The following PAPPA2 variants were observed in gnomAD, a reference collection of about 807,000 sequenced individuals.
PAPPA2 encodes pappalysin-2.
PAPPA2 carries 86 observed loss-of-function variants against 176.4 expected under a neutral mutation model. The observed-to-expected ratio is 0.49, with a 90% CI of 0.41 to 0.58. The LOEUF is 0.58. Among genes scored for constraint, PAPPA2 ranks in the 20% least tolerant of loss-of-function variants. The probability of loss-of-function intolerance (pLI) is 0.00; values close to 1 mark genes in which losing one functional copy is unlikely to be tolerated. For synonymous variants in PAPPA2, 809 were observed against 852.2 expected (o/e 0.95, Z 0.88); for missense variants, 2,073 against 2,256.9 (o/e 0.92, Z 1.65).
chr1:176,559,280 T>C (rs941457195), intron 2 of PAPPA2, among the ~76,000 whole-genome samples: 2 of 152,196 alleles, frequency 1.3e-5, no homozygotes, highest in African/African-American at 4.8e-5. Context: ...CCTTGTGGTG[T>C]ACCAGTATTT....
At chr1:176,839,164 C>T (rs530308669) in intron 21 of PAPPA2, among the ~76,000 whole-genome samples, 28 of 152,268 alleles carry the variant, frequency 1.8e-4, no homozygotes, top group Non-Finnish European at 3.8e-4. Flanking sequence ...ATGTTTCCTA[C>T]GACTTTATGG....
chr1:176,756,298 T>C (rs554154725), intron 14 of PAPPA2, among the ~76,000 whole-genome samples: 127 of 152,278 alleles, frequency 8.3e-4, no homozygotes, highest in Non-Finnish European at 1.5e-3. Context: ...CATAAAGATC[T>C]TCATCCTCAT....
At chr1:176,572,706 T>C (rs1295031877) in intron 2 of PAPPA2, among the ~76,000 whole-genome samples, 1 of 152,210 alleles carries the variant, frequency 6.6e-6, no homozygotes, top group Non-Finnish European at 1.5e-5. Flanking sequence ...TAAGAAACAC[T>C]GGACAAATAC....
chr1:176,660,564 A>G (rs962804818), intron 3 of PAPPA2, among the ~76,000 whole-genome samples: 9 of 152,006 alleles, frequency 5.9e-5, no homozygotes, highest in African/African-American at 2.2e-4. Flanking sequence ...GGATATAAAA[A>G]CTTTTTTGGG....
intron 20 of PAPPA2, among the ~76,000 whole-genome samples, chr1:176,794,419 T>C (rs2102942244): frequency 6.6e-6 from 1 of 152,300 alleles, no homozygotes; most frequent in South Asian, 2.1e-4. Context: ...TAAATAGAAA[T>C]GAGATTTCAG....
intron 1 of PAPPA2, among the ~76,000 whole-genome samples, chr1:176,545,977 G>T (rs553711264): frequency 6.6e-6 from 1 of 152,156 alleles, no homozygotes; most frequent in South Asian, 2.1e-4. Context: ...ACTGAGGAAG[G>T]TGGCAGTGTG....
At chr1:176,475,155 A>C (rs970929737) in intron 1 of PAPPA2, among the ~76,000 whole-genome samples, 4 of 152,180 alleles carry the variant, frequency 2.6e-5, no homozygotes, top group Admixed American at 6.5e-5. Flanking sequence ...TATGCTGTAA[A>C]ACTGTTCCTG....
intron 1 of PAPPA2, among the ~76,000 whole-genome samples, chr1:176,538,618 T>C (rs1197012938): frequency 6.7e-6 from 1 of 149,838 alleles, no homozygotes; most frequent in Non-Finnish European, 1.5e-5. Context: ...CGTTTCTTTT[T>C]TGTTTCTCTC....
At chr1:176,692,510 A>G (rs1443597996) in intron 6 of PAPPA2, among the ~76,000 whole-genome samples, 192 bp downstream of exon 6, 1 of 152,248 alleles carries the variant, frequency 6.6e-6, no homozygotes, top group African/African-American at 2.4e-5. Context: ...CTTGTGAGCC[A>G]GTGGCTCATC....
At chr1:176,811,229 TA>T (rs1279685465) in intron 21 of PAPPA2, among the ~76,000 whole-genome samples, 2 of 152,186 alleles carry the variant, frequency 1.3e-5, no homozygotes, top group African/African-American at 4.8e-5. Context: ...GATATCTGCA[TA>T]AAAAAACCAA....
In PAPPA2 at chr1:176,556,872, A is replaced by C. The variant is rs1246089002; in HGVS notation, c.550A>C (p.Lys184Gln). Residue 184 changes from lysine to glutamine, a missense_variant, in exon 2 of 23, where the codon AAA becomes CAA. Transcript: ENST00000367662. ...TAIFTTLNEP[K>Q]PETQRRGWAK... Reference sequence around the variant, plus strand: ...CATTTTCACAACCCTGAACGAACCCAAACCAGAGACCCAAAGGAGGGGCTG... The same window carrying C: ...CATTTTCACAACCCTGAACGAACCCCAACCAGAGACCCAAAGGAGGGGCTG... 1.2e-6 allele frequency: 2 copies of C among 1,613,982 alleles called. No individual in the cohort carries two copies. Among genetic ancestry groups the C allele is most frequent in the Admixed American group, 1.7e-5 (1 of 60,000 alleles).
At chr1:176,572,000 C>A (rs1476628404) in intron 2 of PAPPA2, among the ~76,000 whole-genome samples, 1 of 152,246 alleles carries the variant, frequency 6.6e-6, no homozygotes, top group Non-Finnish European at 1.5e-5. Context: ...GGGCACGGAC[C>A]GTCAGAGCAT....
chr1:176,708,994 A>T (rs1305848372), intron 10 of PAPPA2, among the ~76,000 whole-genome samples: 1 of 152,178 alleles, frequency 6.6e-6, no homozygotes, highest in Non-Finnish European at 1.5e-5. Context: ...TTGGTAAAAA[A>T]TGCAACAGAA....
intron 2 of PAPPA2, among the ~76,000 whole-genome samples, chr1:176,580,052 A>G (rs1181055332): frequency 6.6e-6 from 1 of 152,126 alleles, no homozygotes; most frequent in Admixed American, 6.5e-5. Flanking sequence ...AAAATATATC[A>G]TATATTATTT....
intron 1 of PAPPA2, among the ~76,000 whole-genome samples, chr1:176,540,189 C>T (rs1278011186): frequency 6.6e-6 from 1 of 152,206 alleles, no homozygotes; most frequent in Non-Finnish European, 1.5e-5. Flanking sequence ...AATTGCTGTG[C>T]AGGGTCATTG....
chr1:176,691,920 G>T (rs929625215), intron 5 of PAPPA2, among the ~76,000 whole-genome samples: 1 of 152,188 alleles, frequency 6.6e-6, no homozygotes, highest in Non-Finnish European at 1.5e-5. Context: ...TGAAAGTGCT[G>T]CATCTCTGGT....
At chr1:176,732,603 C>T (rs917105994) in intron 12 of PAPPA2, among the ~76,000 whole-genome samples, 2 of 152,098 alleles carry the variant, frequency 1.3e-5, no homozygotes, top group African/African-American at 4.8e-5. Flanking sequence ...TCTTGTTACT[C>T]AAAATGTGGT....
chr1:176,700,120 A>ATCTTTCTCT (rs1660584752), intron 8 of PAPPA2, among the ~76,000 whole-genome samples: 2 of 151,896 alleles, frequency 1.3e-5, no homozygotes, highest in Non-Finnish European at 2.9e-5. Flanking sequence ...ACTCTCTTTT[A>ATCTTTCTCT]TCTTTCTCTT....
intron 14 of PAPPA2, among the ~76,000 whole-genome samples, chr1:176,740,743 C>T (rs1662641397): frequency 6.6e-6 from 1 of 152,138 alleles, no homozygotes; most frequent in Non-Finnish European, 1.5e-5. Flanking sequence ...ATCTCAGCAG[C>T]AGCTATTGGA....
Sources: gnomAD v4.1 joint callset for allele counts (sites outside exome capture counted in the v4.1 genomes callset) on GRCh38, gnomAD v4.1.1 for gene constraint, MANE v1.5 for transcripts, NCBI Gene and HGNC (gene_info 2026-07-23, HGNC 2026-07-21) for gene names.